The following CACNA1E variants were observed in gnomAD, a reference collection of about 807,000 sequenced individuals.
CACNA1E encodes the protein calcium voltage-gated channel subunit alpha1 E.
Under a neutral mutation model 259.2 loss-of-function variants are expected in CACNA1E, and 40 were observed. The ratio of observed to expected loss-of-function variants is 0.15; its 90% CI spans 0.12 to 0.20. The LOEUF is 0.20. Among genes scored for constraint, CACNA1E ranks in the 10% least tolerant of loss-of-function variants. The pLI is 1.00. For missense variants in CACNA1E, 1,874 were observed against 3,040.1 expected (o/e 0.62, Z 9.02); for synonymous variants, 1,104 against 1,138.5 (o/e 0.97, Z 0.61).
chr1:181,649,398 G>T (rs1658556571), intron 6 of CACNA1E, among the ~76,000 whole-genome samples: 1 of 150,718 alleles, frequency 6.6e-6, no homozygotes, highest in African/African-American at 2.4e-5. Context: ...AAAGACACAA[G>T]TGTGGTGAAA....
At position 181,792,536 on chromosome 1, in the gene CACNA1E, A is replaced by G. The variant is rs180926306; in HGVS notation, c.5899-1129A>G. On this transcript the variant is annotated intron_variant, in intron 44 of 47. Transcript: ENST00000367573. ...TGTGCTATACAAAGCATGTACTACAAACAAACACTATAACTCCCTCAAGTG... is the reference window on the plus strand; with the variant it reads ...TGTGCTATACAAAGCATGTACTACAGACAAACACTATAACTCCCTCAAGTG... 1.2e-3 allele frequency among the ~76,000 whole-genome samples: 177 copies of G among 152,298 alleles called. 1 individual carries two copies. Among genetic ancestry groups the G allele is most frequent in the African/African-American group, 4.2e-3 (173 of 41,530 alleles).
chr1:181,640,830 A>G (rs1400272326), intron 6 of CACNA1E, among the ~76,000 whole-genome samples: 4 of 152,266 alleles, frequency 2.6e-5, no homozygotes, highest in Non-Finnish European at 5.9e-5. Flanking sequence ...TTAGTAAACA[A>G]CATTATCGAG....
chr1:181,345,383 A>G (rs115592839), intron 1 of CACNA1E, among the ~76,000 whole-genome samples: 3,222 of 152,310 alleles, frequency 0.021, 110 homozygotes, highest in African/African-American at 0.074. Context: ...CTGGCTGCAC[A>G]TGGAATTGCT....
chr1:181,781,328 TA>T, intron 38 of CACNA1E, 98 bp from the exon 39 acceptor site: 1 of 690,822 alleles, frequency 1.4e-6, no homozygotes, highest in Non-Finnish European at 2.7e-6. Flanking sequence ...TCTCCTCTCC[TA>T]TCTGTCTGCA....
chr1:181,715,107 A>G (rs1653761221), intron 8 of CACNA1E, among the ~76,000 whole-genome samples: 1 of 152,110 alleles, frequency 6.6e-6, no homozygotes, highest in Admixed American at 6.5e-5. Flanking sequence ...TCAGACACAG[A>G]GCCGATTGTT....
chr1:181,337,159 C>CTT (rs1046173006), intron 1 of CACNA1E, among the ~76,000 whole-genome samples: 4 of 142,756 alleles, frequency 2.8e-5, no homozygotes, highest in Non-Finnish European at 1.5e-5. Flanking sequence ...AGAATCTACT[C>CTT]TTTTTTTTTT....
At chr1:181,737,681 C>A in intron 23 of CACNA1E, 27 bp downstream of exon 23, 1 of 1,608,358 alleles carries the variant, frequency 6.2e-7, no homozygotes, top group Non-Finnish European at 8.5e-7. Flanking sequence ...CATGTGCCAG[C>A]CTCTGTAGTG....
chr1:181,474,169 T>C (rs1259252713), intron 2 of CACNA1E, among the ~76,000 whole-genome samples: 1 of 152,242 alleles, frequency 6.6e-6, no homozygotes, highest in Non-Finnish European at 1.5e-5. Context: ...ACTGGAAACT[T>C]TGAATTATTC....
At chr1:181,494,065 A>C (rs1242053318) in intron 1 of CACNA1E, among the ~76,000 whole-genome samples, 3 of 152,054 alleles carry the variant, frequency 2.0e-5, no homozygotes, top group Non-Finnish European at 4.4e-5. Flanking sequence ...TTAAGATTGT[A>C]CTCAGAGGTC....
chr1:181,658,471 T>G (rs1450604718), intron 7 of CACNA1E, among the ~76,000 whole-genome samples: 1 of 152,226 alleles, frequency 6.6e-6, no homozygotes, highest in African/African-American at 2.4e-5. Flanking sequence ...TAGCAATAGC[T>G]CTCTCATATA....
chr1:181,368,903 T>C (rs914293236), intron 1 of CACNA1E, among the ~76,000 whole-genome samples: 2 of 152,190 alleles, frequency 1.3e-5, no homozygotes, highest in African/African-American at 2.4e-5. Flanking sequence ...GATCTCAGAA[T>C]ACTCTCCCTA....
chr1:181,789,862 A>G (rs1343037495), intron 43 of CACNA1E, among the ~76,000 whole-genome samples: 2 of 152,174 alleles, frequency 1.3e-5, no homozygotes, highest in Admixed American at 6.5e-5. Flanking sequence ...CTACATTGCC[A>G]TCAACCAAGA....
Position 181,732,699 on chromosome 1 carries a change from G to A in CACNA1E, c.2613G>A (p.Arg871=). 1 of 1,533,518 alleles carries A rather than the reference G, an allele frequency of 6.5e-7. No individual in the cohort carries two copies. The highest frequency in any genetic ancestry group is 2.1e-5 in the Admixed American group (1 of 47,954). The allele number at this position is 1,533,518 out of a possible 1,614,324, so 95.0% of individuals were successfully genotyped here. The part of the protein sequence containing the change: ...GDRSSALDNQ[R]TPLSLGQREP... ...GATCCAGTGCCCTGGACAACCAGAG[G>A]ACCCCTTTGTCCCTGGGCCAGCGGG... Residue 871 remains arginine, a synonymous_variant, in exon 20 of 48, where the codon AGG becomes AGA. Coordinates refer to ENST00000367573, the MANE Select transcript of CACNA1E (RefSeq NM_001205293.3). The surrounding 1 kb of genome is among the most constrained non-coding windows in gnomAD (Gnocchi z 5.5).
chr1:181,714,641 A>G (rs1653719576), intron 8 of CACNA1E, among the ~76,000 whole-genome samples: 1 of 152,154 alleles, frequency 6.6e-6, no homozygotes, highest in Non-Finnish European at 1.5e-5. Flanking sequence ...TCTCTCCTCC[A>G]TGAGTCATTT....
intron 3 of CACNA1E, among the ~76,000 whole-genome samples, chr1:181,554,089 C>T (rs1159590303): frequency 1.3e-5 from 2 of 152,146 alleles, no homozygotes; most frequent in African/African-American, 4.8e-5. Flanking sequence ...CAGCCCACTG[C>T]AGCCTTGACC....
At chr1:181,417,579 G>T (rs557353203) in intron 2 of CACNA1E, among the ~76,000 whole-genome samples, 1 of 152,146 alleles carries the variant, frequency 6.6e-6, no homozygotes, top group Non-Finnish European at 1.5e-5. Context: ...CAACCACGCC[G>T]ATTGACCTCA....
chr1:181,562,588 T>G (rs1015747420), intron 3 of CACNA1E, among the ~76,000 whole-genome samples: 8 of 152,198 alleles, frequency 5.3e-5, no homozygotes, highest in African/African-American at 1.9e-4. Flanking sequence ...TAGCCTCGTT[T>G]CTTTCACTTT....
chr1:181,704,515 G>C (rs1355529637), intron 7 of CACNA1E, among the ~76,000 whole-genome samples: 1 of 152,118 alleles, frequency 6.6e-6, no homozygotes. Context: ...TTTCCCTATG[G>C]GTAGCAAAGC....
intron 2 of CACNA1E, among the ~76,000 whole-genome samples, chr1:181,427,082 T>C: frequency 6.8e-6 from 1 of 147,582 alleles, no homozygotes. Flanking sequence ...CTCAATCCCT[T>C]CCTATCTCAA....
Sources: allele counts gnomAD v4.1 joint callset (sites outside exome capture counted in the v4.1 genomes callset), GRCh38; gene constraint gnomAD v4.1.1; non-coding constraint Gnocchi (gnomAD v3.1); transcripts MANE v1.5; gene names NCBI Gene and HGNC (gene_info 2026-07-23, HGNC 2026-07-21).